The following EYS variants were observed in gnomAD, a reference collection of about 807,000 sequenced individuals.
The protein encoded by EYS is EGF-like photoreceptor maintenance factor.
Under a neutral mutation model 282.1 loss-of-function variants are expected in EYS, and 250 were observed. That is an observed-to-expected ratio of 0.89 (90% CI 0.80 to 0.98). EYS has a LOEUF of 0.98. Among genes scored for constraint, EYS ranks in the 50% least tolerant of loss-of-function variants. EYS has a pLI of 0.00. For synonymous variants in EYS, 1,355 were observed against 1,282.9 expected, an observed-to-expected ratio of 1.06 and a Z score of -1.20; for missense variants, 4,016 against 3,709.0, an observed-to-expected ratio of 1.08 and a Z score of -2.15.
intron 26 of EYS, among the ~76,000 whole-genome samples, chr6:64,450,988 G>A (rs554655199): frequency 8.5e-5 from 13 of 152,092 alleles, no homozygotes; most frequent in African/African-American, 2.7e-4. Context: ...GCTAGCAGAA[G>A]GCAAGAAATA....
At chr6:64,300,408 T>C (rs1419451957) in intron 30 of EYS, among the ~76,000 whole-genome samples, 1 of 152,184 alleles carries the variant, frequency 6.6e-6, no homozygotes, top group African/African-American at 2.4e-5. Flanking sequence ...TCCCAGAGTA[T>C]AATTCTCTGC....
chr6:64,678,271 A>C (rs1769762957), intron 22 of EYS, among the ~76,000 whole-genome samples: 1 of 152,184 alleles, frequency 6.6e-6, no homozygotes, highest in East Asian at 1.9e-4. Flanking sequence ...ACAAAAGGAT[A>C]CTGTGTTAAA....
chr6:64,991,257 T>C (rs1771052257), intron 14 of EYS, among the ~76,000 whole-genome samples: 1 of 151,618 alleles, frequency 6.6e-6, no homozygotes, highest in South Asian at 2.1e-4. Context: ...TAATACATTG[T>C]AGGCAGATTT....
At chr6:63,726,208 T>C (rs1014141124) in intron 42 of EYS, among the ~76,000 whole-genome samples, 1 of 152,190 alleles carries the variant, frequency 6.6e-6, no homozygotes, top group Non-Finnish European at 1.5e-5. Flanking sequence ...AAAAATCTTT[T>C]ATATGCATAT....
chr6:64,048,062 T>C (rs927080028), intron 33 of EYS, among the ~76,000 whole-genome samples: 5 of 152,126 alleles, frequency 3.3e-5, no homozygotes, highest in Admixed American at 3.3e-4. Flanking sequence ...CATGCCATCA[T>C]GCCCGGCTAA....
In EYS at chr6:65,516,767, C is replaced by T. The variant is rs557285432; in HGVS notation, c.-332-20774G>A. Among the ~76,000 whole-genome samples, 214 of 152,044 alleles carry T rather than the reference C, an allele frequency of 1.4e-3. 2 individuals are homozygous for T. Among genetic ancestry groups the T allele is most frequent in the Middle Eastern group, 3.4e-3 (1 of 294 alleles). On this transcript the variant is annotated intron_variant, in intron 2 of 42. Coordinates refer to ENST00000503581, the MANE Select transcript of EYS (RefSeq NM_001142800.2). ...CTGGTATTACTAACTCTTCTTTTCT[C>T]CAAAATTCTCTAAAAATTATCCTCA...
intron 7 of EYS, among the ~76,000 whole-genome samples, chr6:65,401,055 G>C (rs1247651989): frequency 6.6e-6 from 1 of 151,818 alleles, no homozygotes; most frequent in African/African-American, 2.4e-5. Context: ...AAACACTAGA[G>C]ACAAGGAACA....
At position 64,464,718 on chromosome 6, in the gene EYS, A is replaced by G. The variant is rs142988252; in HGVS notation, c.5645-25366T>C. Among the ~76,000 whole-genome samples the G allele has an allele frequency of 2.0e-3, 307 of 152,218 alleles. 1 individual carries two copies. Among genetic ancestry groups the G allele is most frequent in the Non-Finnish European group, 3.5e-3 (237 of 67,932 alleles). On this transcript the variant is annotated intron_variant, in intron 26 of 42. Transcript: ENST00000503581. ...TTTCCTACTATGTTCTGTTATAAAGAGAACAGATTATTATTGAACTTATAC... is the reference window on the plus strand; with the variant it reads ...TTTCCTACTATGTTCTGTTATAAAGGGAACAGATTATTATTGAACTTATAC...
In EYS at chr6:65,494,675, G is replaced by A; in HGVS notation, c.736C>T (p.Pro246Ser). 6.4e-7 allele frequency: 1 copy of A among 1,566,438 alleles called. No homozygotes were observed. Among genetic ancestry groups the A allele is most frequent in the Non-Finnish European group, 8.7e-7 (1 of 1,153,814 alleles). Residue 246 changes from proline to serine, a missense_variant, in exon 4 of 43, where the codon CCA becomes TCA. Pro to Ser is a moderately conservative substitution (Grantham distance 74, BLOSUM62 -1). Transcript: ENST00000503581. ...TAAACAATCTTACCTGTAAATGGTG[G>A]GTGACAGACACATTCATATGCTTGC... The part of the protein sequence containing the change: ...DEQAYECVCH[P>S]PFTGKNCSEI...
chr6:64,989,299 A>C (rs1770967964), intron 14 of EYS, among the ~76,000 whole-genome samples: 2 of 148,430 alleles, frequency 1.3e-5, no homozygotes, highest in Non-Finnish European at 3.0e-5. Context: ...ATTTAACCCT[A>C]CTGTAGTCAA....
chr6:63,860,478 A>G (rs1772506435), intron 36 of EYS, among the ~76,000 whole-genome samples: 1 of 152,144 alleles, frequency 6.6e-6, no homozygotes, highest in South Asian at 2.1e-4. Flanking sequence ...GAACCATGAG[A>G]CAATGGTCAA....
At chr6:64,291,010 C>T (rs1768686769) in intron 30 of EYS, among the ~76,000 whole-genome samples, 1 of 14,748 alleles carries the variant, frequency 6.8e-5, no homozygotes, top group East Asian at 7.1e-4. Flanking sequence ...GTATCAATGG[C>T]TGGCAACTAC....
chr6:64,077,137 T>A (rs928204262), intron 32 of EYS, among the ~76,000 whole-genome samples: 2 of 151,980 alleles, frequency 1.3e-5, no homozygotes, highest in African/African-American at 4.8e-5. Context: ...CTTTCCTATA[T>A]CTGTCTTGAG....
chr6:65,253,692 C>A (rs1767384740), intron 12 of EYS, among the ~76,000 whole-genome samples: 1 of 151,756 alleles, frequency 6.6e-6, no homozygotes, highest in Admixed American at 6.6e-5. Context: ...AAATAGAAGT[C>A]ACTGTAGACC....
chr6:64,657,560 A>T, intron 22 of EYS, among the ~76,000 whole-genome samples: 1 of 152,076 alleles, frequency 6.6e-6, no homozygotes, highest in Non-Finnish European at 1.5e-5. Context: ...GTGGTGAGAA[A>T]ATATCTCAGA....
intron 19 of EYS, among the ~76,000 whole-genome samples, chr6:64,861,897 A>G (rs1766249960): frequency 6.6e-6 from 1 of 152,164 alleles, no homozygotes; most frequent in African/African-American, 2.4e-5. Context: ...GTTTCTGACC[A>G]TGCTTCTTTC....
intron 22 of EYS, among the ~76,000 whole-genome samples, chr6:64,656,863 G>A (rs573331422): frequency 6.6e-6 from 1 of 152,276 alleles, no homozygotes; most frequent in African/African-American, 2.4e-5. Context: ...GCTGTAAAAG[G>A]TTGAAATGGT....
At chr6:64,929,216 T>C (rs111610405) in intron 15 of EYS, among the ~76,000 whole-genome samples, 3 of 152,078 alleles carry the variant, frequency 2.0e-5, no homozygotes, top group African/African-American at 7.2e-5. Flanking sequence ...CTACAAAAAT[T>C]GAAGGCTGAG....
At chr6:65,298,304 T>C (rs776124457) in intron 11 of EYS, among the ~76,000 whole-genome samples, 1 of 151,992 alleles carries the variant, frequency 6.6e-6, no homozygotes, top group Non-Finnish European at 1.5e-5. Context: ...AGTTTGCCAG[T>C]TAACTATTAG....
Sources: allele counts gnomAD v4.1 joint callset (sites outside exome capture counted in the v4.1 genomes callset), GRCh38; gene constraint gnomAD v4.1.1; transcripts MANE v1.5; gene names NCBI Gene and HGNC (gene_info 2026-07-23, HGNC 2026-07-21).